Variants in GTF2A1 observed in about 807,000 individuals in gnomAD.
GTF2A1 encodes the protein general transcription factor IIA subunit 1.
A neutral mutation model predicts 54.1 loss-of-function variants in GTF2A1; 12 were observed. The observed-to-expected ratio is 0.22, with a 90% confidence interval of 0.14 to 0.36. GTF2A1 has a LOEUF of 0.36. GTF2A1 is among the 10% of genes least tolerant of loss of function. GTF2A1 has a pLI of 1.00. For synonymous variants in GTF2A1, 145 were observed against 152.0 expected (o/e 0.95, Z 0.34); for missense variants, 335 against 442.2 (o/e 0.76, Z 2.17).
rs1173904366 is a variant in GTF2A1 at position 81,203,889 on chromosome 14, T to C, written c.337+11A>G. On this transcript the variant is annotated intron_variant, in intron 3 of 8. Coordinates refer to ENST00000553612, the MANE Select transcript of GTF2A1 (RefSeq NM_015859.4). ...TCCAAGTCATAAGTAGGAAAACAAG[T>C]CCAGTCTCACCTTGCTGTGATGCAG... 3.1e-6 allele frequency: 5 copies of C among 1,602,406 alleles called. No homozygotes were observed. The East Asian group carries it at 6.7e-5, about 21-fold the overall frequency.
chr14:81,218,094 C>CTT (rs5810020), intron 1 of GTF2A1, among the ~76,000 whole-genome samples: 2,883 of 148,204 alleles, frequency 0.019, 91 homozygotes, highest in African/African-American at 0.064. Flanking sequence ...CTATAAAGTG[C>CTT]TTTTTTTTTT....
intron 4 of GTF2A1, among the ~76,000 whole-genome samples, chr14:81,198,856 G>A (rs949938137): frequency 2.0e-5 from 3 of 152,172 alleles, no homozygotes; most frequent in African/African-American, 7.2e-5. Context: ...TTCAACTACT[G>A]TCTAGTCTGG....
rs1892509047 is a variant in GTF2A1, at chr14:81,175,588, A to G, written c.*4635T>C. On this transcript the variant is annotated 3_prime_UTR_variant, in exon 9 of 9. Transcript: ENST00000553612. ...TTAATGATTCAGCTGAATTAACTAT[A>G]AAATTAAAATACCTGCTAATTATTA... The G allele has an allele frequency of 6.6e-6, 1 of 152,240 alleles. No individual in the cohort carries two copies. The highest frequency in any genetic ancestry group is 1.9e-4 in the East Asian group (1 of 5,204). The allele number at this position is 152,240 out of a possible 1,614,324, so 9.4% of individuals were successfully genotyped here.
chr14:81,200,559 G>A (rs527490212), intron 4 of GTF2A1, among the ~76,000 whole-genome samples: 3 of 151,502 alleles, frequency 2.0e-5, no homozygotes, highest in East Asian at 1.9e-4. Context: ...CCTAGGAGGC[G>A]GAGGTTGCAG....
In GTF2A1 at chr14:81,203,905, T is replaced by C. The variant is rs780648477; in HGVS notation, c.332A>G (p.Gln111Arg). The change falls in exon 3 of 9, where the codon CAG (glutamine) becomes CGG (arginine). Residue 111 changes from glutamine to arginine, a missense_variant. This residue lies in a region of GTF2A1 where 306 missense variants were observed against 360.4 expected (regional missense o/e 0.85). Transcript: ENST00000553612. ...GAAAACAAGTCCAGTCTCACCTTGC[T>C]GTGATGCAGGAATAAGAACCTGCTG... ...QTQQVLIPAS[Q>R]QATAPQVIVP... is the part of the protein sequence containing the mutation. The C allele has an allele frequency of 2.8e-5, 45 of 1,611,498 alleles. No individual in the cohort carries two copies. The highest frequency in any genetic ancestry group is 1.1e-5 in the Non-Finnish European group (13 of 1,177,680).
chr14:81,178,963 A>G lies in GTF2A1; in HGVS notation c.*1260T>C, dbSNP rs1892585134. 1 of 152,302 alleles carries G rather than the reference A, an allele frequency of 6.6e-6. No homozygotes were observed. Among genetic ancestry groups the G allele is most frequent in the South Asian group, 2.1e-4 (1 of 4,824 alleles). The allele number at this position is 152,302 out of a possible 1,614,324, so 9.4% of individuals were successfully genotyped here. The stretch of plus-strand genomic sequence containing the variant: ...ACAGACCTATGCATTCTTAATATAC[A>G]TATTACATTTCTATTATTTTTAATA... On this transcript the variant is annotated 3_prime_UTR_variant, in exon 9 of 9. Coordinates refer to ENST00000553612, the MANE Select transcript of GTF2A1 (RefSeq NM_015859.4).
rs1158925828 is a variant in GTF2A1 at position 81,198,736 on chromosome 14, T to G, written c.403-1252A>C. Reference sequence around the variant, plus strand: ...TACATTCAATCTAACCTATACAGTTTTAGAACTACCCATATCTGAAAAAGC... The same window carrying G: ...TACATTCAATCTAACCTATACAGTTGTAGAACTACCCATATCTGAAAAAGC... On this transcript the variant is annotated intron_variant, in intron 4 of 8. Coordinates refer to ENST00000553612, the MANE Select transcript of GTF2A1 (RefSeq NM_015859.4). Among the ~76,000 whole-genome samples the G allele has an allele frequency of 8.5e-5, 13 of 152,218 alleles. No individual in the cohort carries two copies. The East Asian group carries it at 2.5e-3, about 29-fold the overall frequency.
Position 81,176,835 on chromosome 14 carries a change from A to C in GTF2A1, c.*3388T>G, listed in dbSNP as rs1435700432. The stretch of plus-strand genomic sequence containing the variant: ...TATTACATTGCACAAAAGCTTAAAA[A>C]AAAGAAAGTTCAAGATGAAATAATC... On this transcript the variant is annotated 3_prime_UTR_variant, in exon 9 of 9. Coordinates refer to ENST00000553612, the MANE Select transcript of GTF2A1 (RefSeq NM_015859.4). 6.6e-6 allele frequency: 1 copy of C among 152,152 alleles called. No homozygotes were observed. Among genetic ancestry groups the C allele is most frequent in the African/African-American group, 2.4e-5 (1 of 41,454 alleles). 9.4% of individuals were successfully genotyped at this position (152,152 alleles called of 1,614,324 possible).
At chr14:81,219,370 T>C (rs1893558473) in intron 1 of GTF2A1, among the ~76,000 whole-genome samples, 1 of 152,202 alleles carries the variant, frequency 6.6e-6, no homozygotes, top group South Asian at 2.1e-4. Context: ...TCTCACTATT[T>C]AAAGCCGGAT....
chr14:81,214,940 T>A (rs1377372609), intron 2 of GTF2A1, among the ~76,000 whole-genome samples: 3 of 152,358 alleles, frequency 2.0e-5, no homozygotes, highest in African/African-American at 7.2e-5. Flanking sequence ...TCTGCCTTCC[T>A]ACAATTAAGT....
At chr14:81,198,875 T>C (rs941178162) in intron 4 of GTF2A1, among the ~76,000 whole-genome samples, 8 of 152,218 alleles carry the variant, frequency 5.3e-5, no homozygotes, top group African/African-American at 1.7e-4. Flanking sequence ...GGGCTCTAGG[T>C]ACATAGCTTT....
In GTF2A1 at chr14:81,177,922, A is replaced by G. The variant is rs952553725; in HGVS notation, c.*2301T>C. ...TTTGGTATGCAATGTAGCTTGGACCAGCTTTCAGAATTTTCACAGGTAAAA... is the reference window on the plus strand; with the variant it reads ...TTTGGTATGCAATGTAGCTTGGACCGGCTTTCAGAATTTTCACAGGTAAAA... On this transcript the variant is annotated 3_prime_UTR_variant, in exon 9 of 9. Transcript: ENST00000553612. 6.6e-6 allele frequency: 1 copy of G among 152,192 alleles called. No individual in the cohort carries two copies. Among genetic ancestry groups the G allele is most frequent in the African/African-American group, 2.4e-5 (1 of 41,462 alleles). The allele number at this position is 152,192 out of a possible 1,614,324, so 9.4% of individuals were successfully genotyped here.
intron 2 of GTF2A1, among the ~76,000 whole-genome samples, chr14:81,215,351 C>T (rs1041777274): frequency 6.6e-6 from 1 of 152,190 alleles, no homozygotes; most frequent in Non-Finnish European, 1.5e-5. Context: ...CAGAATACAA[C>T]TTTTACTTGA....
chr14:81,206,883 G>GA (rs1453360893), intron 2 of GTF2A1, among the ~76,000 whole-genome samples: 11 of 151,496 alleles, frequency 7.3e-5, no homozygotes, highest in African/African-American at 9.7e-5. Flanking sequence ...ATAGAACTGA[G>GA]AAAAAATCAG....
chr14:81,197,359 G>T, intron 5 of GTF2A1, 50 bp downstream of exon 5: 1 of 940,870 alleles, frequency 1.1e-6, no homozygotes, highest in Non-Finnish European at 1.7e-6. Flanking sequence ...GGGCTAGATA[G>T]TACAATTTTC....
intron 1 of GTF2A1, among the ~76,000 whole-genome samples, chr14:81,218,209 T>C (rs2140045684): frequency 6.6e-6 from 1 of 152,334 alleles, no homozygotes; most frequent in African/African-American, 2.4e-5. Flanking sequence ...AACTAGATGG[T>C]GTTTTGGCGT....
At chr14:81,186,388 C>T (rs1006193777) in intron 7 of GTF2A1, among the ~76,000 whole-genome samples, 5 of 151,700 alleles carry the variant, frequency 3.3e-5, no homozygotes, top group African/African-American at 1.2e-4. Flanking sequence ...ACTCTAAATA[C>T]AAATCAGCAT....
At chr14:81,213,500 A>G (rs1214550282) in intron 2 of GTF2A1, among the ~76,000 whole-genome samples, 1 of 152,220 alleles carries the variant, frequency 6.6e-6, no homozygotes, top group Non-Finnish European at 1.5e-5. Flanking sequence ...TTCTACACCT[A>G]AAAATGCTGC....
At chr14:81,202,860 T>A (rs564978382) in intron 3 of GTF2A1, 2 of 482,982 alleles carry the variant, frequency 4.1e-6, no homozygotes, top group Admixed American at 2.2e-5. Context: ...ATAAAATTAT[T>A]TGATACAAAG....
Sources: allele counts gnomAD v4.1 joint callset (sites outside exome capture counted in the v4.1 genomes callset), GRCh38; gene constraint gnomAD v4.1.1; regional missense constraint gnomAD v4.1.1; transcripts MANE v1.5; gene names NCBI Gene and HGNC (gene_info 2026-07-23, HGNC 2026-07-21).